HEATR4: variants seen among roughly 807,000 people sequenced by gnomAD.
HEATR4 encodes HEAT repeat containing 4.
Under a neutral mutation model 108.8 loss-of-function variants are expected in HEATR4, and 95 were observed. The observed-to-expected ratio is 0.87, with a 90% CI of 0.74 to 1.04. The LOEUF (loss-of-function observed/expected upper bound fraction) is 1.04. Among genes scored for constraint, HEATR4 ranks in the 50% least tolerant of loss-of-function variants. The pLI is 0.00. For missense variants in HEATR4, 1,152 were observed against 1,253.8 expected, an observed-to-expected ratio of 0.92 and a Z score of 1.23; for synonymous variants, 443 against 459.4, an observed-to-expected ratio of 0.96 and a Z score of 0.46.
chr14:73,573,607 G>C, the HEATR4 span: 4 of 1,613,192 alleles, frequency 2.5e-6, no homozygotes, highest in South Asian at 2.2e-5. Flanking sequence ...TCTTCTTTCA[G>C]ATTTATGGGC....
the HEATR4 span, among the ~76,000 whole-genome samples, chr14:73,584,770 G>T: frequency 3.0e-4 from 45 of 147,880 alleles, no homozygotes; most frequent in African/African-American, 1.0e-3. Context: ...TCTGAGCTTG[G>T]GCCCCATTTT....
At chr14:73,580,015 T>C in the HEATR4 span, among the ~76,000 whole-genome samples, 1 of 152,104 alleles carries the variant, frequency 6.6e-6, no homozygotes, top group East Asian at 1.9e-4. Context: ...GGTGAATCGC[T>C]TGAACCTGGG....
chr14:73,507,696 A>G (rs1886943591), intron 9 of HEATR4, among the ~76,000 whole-genome samples: 1 of 151,944 alleles, frequency 6.6e-6, no homozygotes, highest in Non-Finnish European at 1.5e-5. Context: ...TCAGCCTCCC[A>G]AAGTGCTGGG....
chr14:73,629,738 G>A, the HEATR4 span, among the ~76,000 whole-genome samples: 36 of 151,362 alleles, frequency 2.4e-4, no homozygotes, highest in African/African-American at 6.8e-4. Context: ...TCTGCCTCCC[G>A]GGTTCACGCC....
Position 73,496,696 on chromosome 14 carries a change from G to C in HEATR4, c.2547-17C>G. On this transcript the variant is annotated splice_polypyrimidine_tract_variant and intron_variant, in intron 14 of 17. Coordinates refer to ENST00000553558, the MANE Select transcript of HEATR4 (RefSeq NM_001220484.1). Reference sequence around the variant, plus strand: ...TACATTTCTCTGAAAGATAAGAAGGGCTTCTTAGATTATTCTACCCTGCCC... The same window carrying C: ...TACATTTCTCTGAAAGATAAGAAGGCCTTCTTAGATTATTCTACCCTGCCC... The C allele has an allele frequency of 6.6e-6, 9 of 1,369,150 alleles. No individual in the cohort carries two copies. The highest frequency in any genetic ancestry group is 9.4e-6 in the Non-Finnish European group (9 of 958,506). 84.8% of individuals were successfully genotyped at this position (1,369,150 alleles called of 1,614,324 possible).
At chr14:73,580,993 A>C in the HEATR4 span, 3 of 152,034 alleles carry the variant, frequency 2.0e-5, no homozygotes, top group Admixed American at 1.3e-4. Flanking sequence ...TTGGCCTCTC[A>C]AAGTGCTGGG....
the HEATR4 span, chr14:73,592,208 C>A: frequency 1.4e-5 from 22 of 1,612,606 alleles, no homozygotes; most frequent in Non-Finnish European, 1.8e-5. Context: ...TGCTCTGGGC[C>A]CTGGAACCCG....
chr14:73,567,082 C>T, the HEATR4 span, among the ~76,000 whole-genome samples: 1 of 152,206 alleles, frequency 6.6e-6, no homozygotes, highest in East Asian at 1.9e-4. Flanking sequence ...TCTGGGATTA[C>T]AGGTGTGAGC....
the HEATR4 span, among the ~76,000 whole-genome samples, chr14:73,587,387 C>G: frequency 6.6e-6 from 1 of 151,480 alleles, no homozygotes; most frequent in Non-Finnish European, 1.5e-5. Context: ...GAGTCTTGCT[C>G]TGTCACCCTA....
chr14:73,493,246 G>A (rs533209659), intron 16 of HEATR4, 122 bp from the exon 17 acceptor site: 13 of 775,158 alleles, frequency 1.7e-5, no homozygotes, highest in South Asian at 1.2e-4. Context: ...TGACCATGTC[G>A]TTCTGCTTGA....
At chr14:73,589,731 T>C in the HEATR4 span, among the ~76,000 whole-genome samples, 1 of 152,204 alleles carries the variant, frequency 6.6e-6, no homozygotes, top group African/African-American at 2.4e-5. Context: ...TTGGTCTCAC[T>C]GACTTCAACA....
upstream of HEATR4, among the ~76,000 whole-genome samples, chr14:73,561,856 G>A (rs149004642): frequency 2.1e-4 from 32 of 151,778 alleles, 1 homozygote; most frequent in Non-Finnish European, 3.7e-4. Flanking sequence ...GAGGTGGCAC[G>A]TGCTTGTCGT....
intron 17 of HEATR4, among the ~76,000 whole-genome samples, chr14:73,482,259 C>T (rs1389451247): frequency 6.6e-6 from 1 of 152,162 alleles, no homozygotes; most frequent in Non-Finnish European, 1.5e-5. Flanking sequence ...CAGTGGCTCA[C>T]ACCTGTAACC....
At chr14:73,511,651 G>A (rs1423632607) in intron 7 of HEATR4, among the ~76,000 whole-genome samples, 1 of 152,096 alleles carries the variant, frequency 6.6e-6, no homozygotes, top group East Asian at 1.9e-4. Context: ...AAGGTGGGAG[G>A]ATTACTTGAG....
the HEATR4 span, among the ~76,000 whole-genome samples, chr14:73,565,219 G>T: frequency 6.6e-6 from 1 of 151,974 alleles, no homozygotes; most frequent in Non-Finnish European, 1.5e-5. Flanking sequence ...AAGTATTTTT[G>T]CACTGATTGC....
the HEATR4 span, among the ~76,000 whole-genome samples, chr14:73,604,350 A>G: frequency 0.046 from 6,944 of 151,062 alleles, 246 homozygotes; most frequent in South Asian, 0.096. Flanking sequence ...ATTTTAGTAG[A>G]GATAGGGCTT....
At chr14:73,579,315 GCCTGTAATC>G in the HEATR4 span, among the ~76,000 whole-genome samples, 2 of 135,120 alleles carry the variant, frequency 1.5e-5, no homozygotes, top group African/African-American at 5.5e-5. Context: ...GGTGGCTCAT[GCCTGTAATC>G]CCAGCTCTTT....
the HEATR4 span, chr14:73,574,870 G>T: frequency 6.2e-7 from 1 of 1,613,404 alleles, no homozygotes; most frequent in Non-Finnish European, 8.5e-7. Flanking sequence ...ACTGTTTGTG[G>T]AATCATTCTT....
At chr14:73,597,734 C>T in the HEATR4 span, among the ~76,000 whole-genome samples, 2 of 151,664 alleles carry the variant, frequency 1.3e-5, no homozygotes, top group African/African-American at 4.8e-5. Context: ...GCTGGGACTA[C>T]AGGTACCTGC....
Sources: gnomAD v4.1 joint callset for allele counts (sites outside exome capture counted in the v4.1 genomes callset) on GRCh38, gnomAD v4.1.1 for gene constraint, MANE v1.5 for transcripts, NCBI Gene and HGNC (gene_info 2026-07-23, HGNC 2026-07-21) for gene names.